Variants in FRMD4A observed in about 807,000 individuals in gnomAD.
The protein encoded by FRMD4A is FERM domain-containing protein 4A.
In FRMD4A, 29 loss-of-function variants were observed where a neutral mutation model predicts 129.1. The ratio of observed to expected loss-of-function variants is 0.22; its 90% CI spans 0.17 to 0.31. The LOEUF is 0.31. FRMD4A is among the 10% of genes least tolerant of loss of function. The probability of loss-of-function intolerance (pLI) is 1.00; values close to 1 mark genes in which losing one functional copy is unlikely to be tolerated. For missense variants in FRMD4A, 1,272 were observed against 1,375.8 expected, an observed-to-expected ratio of 0.92 and a Z score of 1.19; for synonymous variants, 634 against 571.6, an observed-to-expected ratio of 1.11 and a Z score of -1.56.
intron 3 of FRMD4A, among the ~76,000 whole-genome samples, chr10:13,825,465 T>C (rs1183605926): frequency 6.6e-6 from 1 of 152,148 alleles, no homozygotes; most frequent in Admixed American, 6.5e-5. Context: ...AACCCTACTG[T>C]GAACTGTGCA....
chr10:13,987,113 C>T (rs939761492), intron 2 of FRMD4A, among the ~76,000 whole-genome samples: 4 of 152,096 alleles, frequency 2.6e-5, no homozygotes, highest in Non-Finnish European at 5.9e-5. Flanking sequence ...AGTTCTTGGA[C>T]TTAGGGTGAT....
At chr10:13,698,138 A>G (rs2086414442) in intron 14 of FRMD4A, among the ~76,000 whole-genome samples, 1 of 152,024 alleles carries the variant, frequency 6.6e-6, no homozygotes, top group African/African-American at 2.4e-5. Context: ...GATTTCCTTA[A>G]ATGATTTGCA....
At chr10:14,121,893 C>T (rs1232932262) in intron 2 of FRMD4A, among the ~76,000 whole-genome samples, 1 of 152,150 alleles carries the variant, frequency 6.6e-6, no homozygotes, top group Non-Finnish European at 1.5e-5. Flanking sequence ...TCCATTTTCT[C>T]ATTGGTTAAA....
At position 14,297,408 on chromosome 10, in the gene FRMD4A, T is replaced by C. The variant is rs72780824; in HGVS notation, c.45+32650A>G. ...CCAAGGAGGCAGGCAGACCCAGGAG[T>C]AAAGTCAGACCATGAGAACCAGGGT... On this transcript the variant is annotated intron_variant, in intron 2 of 24. Coordinates refer to ENST00000357447, the MANE Select transcript of FRMD4A (RefSeq NM_018027.5). Among the ~76,000 whole-genome samples, 875 of 151,162 alleles carry C rather than the reference T, an allele frequency of 5.8e-3. 22 individuals are homozygous for C. In the South Asian group the frequency reaches 0.064, roughly 11 times the overall value.
intron 2 of FRMD4A, among the ~76,000 whole-genome samples, chr10:14,144,237 T>C (rs1309923551): frequency 6.6e-6 from 1 of 152,142 alleles, no homozygotes; most frequent in East Asian, 1.9e-4. Context: ...TGCAAATCAG[T>C]GTCACTCTTG....
rs1198300752 is a variant in FRMD4A, at chr10:14,037,374, T to G, written c.46-178462A>C. 4.6e-5 allele frequency among the ~76,000 whole-genome samples: 7 copies of G among 152,082 alleles called. No homozygotes were observed. The East Asian group carries it at 1.4e-3, about 29-fold the overall frequency. Reference sequence around the variant, plus strand: ...CTGGGATTACAGATGGGCACCACCATGTCCACCTAATTTTTGTATTTTTAG... The same window carrying G: ...CTGGGATTACAGATGGGCACCACCAGGTCCACCTAATTTTTGTATTTTTAG... On this transcript the variant is annotated intron_variant, in intron 2 of 24. Transcript: ENST00000357447.
rs1048783346 is a variant in FRMD4A, at chr10:13,656,914, T to A, written c.2675A>T (p.Asp892Val). The change falls in exon 22 of 25, where the codon GAC (aspartate) becomes GTC (valine). Residue 892 changes from aspartate (D) to valine (V), a missense_variant. Coordinates refer to ENST00000357447, the MANE Select transcript of FRMD4A (RefSeq NM_018027.5). ...TCGCGACGGCGTCAGGCGGCCCGTG[T>A]CGCCCTCGTCGCCGCCGCCGCCGCG... ...SWRGGGGDEG[D>V]TGRLTPSRSQ... The A allele has an allele frequency of 1.3e-6, 2 of 1,490,116 alleles. No individual in the cohort carries two copies. The highest frequency in any genetic ancestry group is 1.8e-6 in the Non-Finnish European group (2 of 1,126,080). The allele number at this position is 1,490,116 out of a possible 1,614,324, so 92.3% of individuals were successfully genotyped here.
intron 2 of FRMD4A, among the ~76,000 whole-genome samples, chr10:13,867,232 T>C (rs2094378700): frequency 6.6e-6 from 1 of 152,128 alleles, no homozygotes; most frequent in Non-Finnish European, 1.5e-5. Context: ...AAACTTCAAA[T>C]ATACACAATC....
chr10:13,954,204 G>T (rs1275415771), intron 2 of FRMD4A, among the ~76,000 whole-genome samples: 1 of 152,154 alleles, frequency 6.6e-6, no homozygotes, highest in Admixed American at 6.5e-5. Context: ...GTTTCCTATT[G>T]CACTCGGTGG....
intron 2 of FRMD4A, among the ~76,000 whole-genome samples, chr10:14,239,726 T>G (rs1400282891): frequency 6.6e-6 from 1 of 152,126 alleles, no homozygotes; most frequent in African/African-American, 2.4e-5. Flanking sequence ...TGAAACTACC[T>G]GAATTCCAGC....
chr10:13,878,222 CAAAAAAA>C (rs34559071), intron 2 of FRMD4A, among the ~76,000 whole-genome samples: 5 of 91,336 alleles, frequency 5.5e-5, no homozygotes, highest in Admixed American at 3.6e-4. Context: ...CTACTTGTAG[CAAAAAAA>C]AAAAAAAAAA....
At chr10:13,869,896 T>C (rs532381268) in intron 2 of FRMD4A, among the ~76,000 whole-genome samples, 3 of 152,320 alleles carry the variant, frequency 2.0e-5, no homozygotes, top group East Asian at 3.9e-4. Flanking sequence ...CAGGTTTTAC[T>C]TTTCATCCAA....
At position 13,794,340 on chromosome 10, in the gene FRMD4A, C is replaced by T. The variant is rs7096977; in HGVS notation, c.299+2156G>A. ...TTGGGAGGTGGAGGTCGCAGTGAGCCGAGATCATGCCATTACACTCCAGCC... is the reference window on the plus strand; with the variant it reads ...TTGGGAGGTGGAGGTCGCAGTGAGCTGAGATCATGCCATTACACTCCAGCC... On this transcript the variant is annotated intron_variant, in intron 5 of 24. Transcript: ENST00000357447. Among the ~76,000 whole-genome samples, 1,271 of 137,234 alleles carry T rather than the reference C, an allele frequency of 9.3e-3. 14 individuals carry two copies. Among genetic ancestry groups the T allele is most frequent in the African/African-American group, 0.033 (1,205 of 36,164 alleles). The allele number at this position is 137,234 out of a possible 152,430, so 90.0% of individuals were successfully genotyped here. A position where few individuals can be genotyped will look rare whatever the true frequency, so the allele number is the denominator to read the frequency against.
intron 2 of FRMD4A, among the ~76,000 whole-genome samples, chr10:14,128,076 C>A (rs1457621870): frequency 3.8e-5 from 4 of 105,684 alleles, no homozygotes; most frequent in Non-Finnish European, 1.9e-5. Flanking sequence ...TTCTTTCTTT[C>A]TTTCTTTCTT....
In FRMD4A at chr10:13,724,040, G is replaced by A. The variant is rs78059060; in HGVS notation, c.759+13804C>T. On this transcript the variant is annotated intron_variant, in intron 12 of 24. Coordinates refer to ENST00000357447, the MANE Select transcript of FRMD4A (RefSeq NM_018027.5). Reference sequence around the variant, plus strand: ...GATCAGAAAAGTCATGGGACTGCCCGTGTTTTTATTGAGAGATAAAGGAAG... The same window carrying A: ...GATCAGAAAAGTCATGGGACTGCCCATGTTTTTATTGAGAGATAAAGGAAG... 1.0e-3 allele frequency among the ~76,000 whole-genome samples: 153 copies of A among 152,316 alleles called. 1 individual carries two copies. In the East Asian group the frequency reaches 0.022, roughly 22 times the overall value.
chr10:14,113,777 C>G (rs896284480), intron 2 of FRMD4A, among the ~76,000 whole-genome samples: 1 of 151,958 alleles, frequency 6.6e-6, no homozygotes, highest in Non-Finnish European at 1.5e-5. Flanking sequence ...AGTGTGCGCG[C>G]GCGTGTGTGC....
intron 2 of FRMD4A, among the ~76,000 whole-genome samples, chr10:14,265,399 G>A (rs568903310): frequency 7.9e-5 from 12 of 152,080 alleles, no homozygotes; most frequent in Non-Finnish European, 1.6e-4. Context: ...GGTTTGTTTT[G>A]TAACCTGAAA....
intron 2 of FRMD4A, among the ~76,000 whole-genome samples, chr10:14,224,048 T>G (rs991101473): frequency 9.2e-5 from 14 of 152,216 alleles, no homozygotes; most frequent in African/African-American, 3.4e-4. Context: ...ACATTGTCCA[T>G]TGCTCTGCTC....
At chr10:13,798,439 T>A (rs562849956) in intron 4 of FRMD4A, among the ~76,000 whole-genome samples, 1 of 151,086 alleles carries the variant, frequency 6.6e-6, no homozygotes, top group East Asian at 2.0e-4. Context: ...ACGGGCGTGG[T>A]GGCTCACGCC....
Sources: allele counts gnomAD v4.1 joint callset (sites outside exome capture counted in the v4.1 genomes callset), GRCh38; gene constraint gnomAD v4.1.1; transcripts MANE v1.5; gene names NCBI Gene and HGNC (gene_info 2026-07-23, HGNC 2026-07-21).